The following RAB8B variants were observed in gnomAD, a reference collection of about 807,000 sequenced individuals.
RAB8B encodes RAB8B, member RAS oncogene family.
Under a neutral mutation model 32.0 loss-of-function variants are expected in RAB8B, and 11 were observed. That is an observed-to-expected ratio of 0.34 (90% CI 0.22 to 0.57). The LOEUF is 0.57. Ranked by LOEUF, RAB8B falls within the 20% of genes least tolerant of loss-of-function variation. The probability of loss-of-function intolerance (pLI) is 0.86; values close to 1 mark genes in which losing one functional copy is unlikely to be tolerated. For missense variants in RAB8B, 190 were observed against 258.5 expected, an observed-to-expected ratio of 0.73 and a Z score of 1.82; for synonymous variants, 103 against 89.6, an observed-to-expected ratio of 1.15 and a Z score of -0.85.
rs1420667973 is a variant in RAB8B, at chr15:63,267,215, C to T, written c.*3596C>T. ...TTAGACTAATAAAATTAATGGCTGT[C>T]ATGTTCACTCTGAAAAAAATCTAAA... On this transcript the variant is annotated 3_prime_UTR_variant, in exon 8 of 8. Coordinates refer to ENST00000321437, the MANE Select transcript of RAB8B (RefSeq NM_016530.3). 1 of 152,502 alleles carries T rather than the reference C, an allele frequency of 6.6e-6. No individual in the cohort carries two copies. Among genetic ancestry groups the T allele is most frequent in the Non-Finnish European group, 1.5e-5 (1 of 68,004 alleles). The allele number at this position is 152,502 out of a possible 1,614,324, so 9.4% of individuals were successfully genotyped here. A position where few individuals can be genotyped will look rare whatever the true frequency, so the allele number is the denominator to read the frequency against.
rs1256230317 is a variant in RAB8B, at chr15:63,264,407, C to CATT, written c.*794_*796dup. The CATT allele has an allele frequency of 4.6e-5, 7 of 152,176 alleles. No homozygotes were observed. The highest frequency in any genetic ancestry group is 3.3e-4 in the Admixed American group (5 of 15,276). 9.4% of individuals were successfully genotyped at this position (152,176 alleles called of 1,614,324 possible). A position where few individuals can be genotyped will look rare whatever the true frequency, so the allele number is the denominator to read the frequency against. ...TAATCACTCTTAAGTAATATTTGAA[C>CATT]ATTATTATCTGTTTCTATTTGTGAA... On this transcript the variant is annotated 3_prime_UTR_variant, in exon 8 of 8. Coordinates refer to ENST00000321437, the MANE Select transcript of RAB8B (RefSeq NM_016530.3).
rs553545892 is a variant in RAB8B, at chr15:63,223,565, C to CTA, written c.125-21188_125-21187dup. Among the ~76,000 whole-genome samples the CTA allele has an allele frequency of 1.0e-3, 157 of 152,172 alleles. 1 individual carries two copies. The highest frequency in any genetic ancestry group is 2.0e-3 in the Non-Finnish European group (135 of 68,012). The stretch of plus-strand genomic sequence containing the variant: ...TTGTAGCCTAGGAGCAATAAACAGG[C>CTA]TATACTACGTAGACTAGGTGTGTAG... On this transcript the variant is annotated intron_variant, in intron 1 of 7. Transcript: ENST00000321437.
At position 63,231,959 on chromosome 15, in the gene RAB8B, C is replaced by T. The variant is rs1482811319; in HGVS notation, c.125-12797C>T. On this transcript the variant is annotated intron_variant, in intron 1 of 7. Coordinates refer to ENST00000321437, the MANE Select transcript of RAB8B (RefSeq NM_016530.3). ...TGAAACACATTTCCTTTTCAAAGTG[C>T]AAGATTTGCAAAAGAGACTTGTCAT... Among the ~76,000 whole-genome samples, 5 of 152,184 alleles carry T rather than the reference C, an allele frequency of 3.3e-5. No individual in the cohort carries two copies. The East Asian group carries it at 9.6e-4, about 29-fold the overall frequency.
intron 3 of RAB8B, among the ~76,000 whole-genome samples, chr15:63,250,069 G>T (rs956198053): frequency 6.6e-6 from 1 of 152,188 alleles, no homozygotes; most frequent in African/African-American, 2.4e-5. Context: ...CCAGGAAGAG[G>T]AGCTTGCAGT....
chr15:63,233,834 A>G (rs1394903855), intron 1 of RAB8B, among the ~76,000 whole-genome samples: 2 of 152,148 alleles, frequency 1.3e-5, no homozygotes, highest in Admixed American at 6.6e-5. Context: ...GTAAAAGCAC[A>G]GTATTTAACT....
chr15:63,258,585 C>A (rs1249535648), intron 5 of RAB8B, among the ~76,000 whole-genome samples: 1 of 152,064 alleles, frequency 6.6e-6, no homozygotes, highest in African/African-American at 2.4e-5. Flanking sequence ...AAGAATGAAG[C>A]CAAAACCACA....
intron 1 of RAB8B, among the ~76,000 whole-genome samples, chr15:63,199,562 A>T (rs2037630754): frequency 6.6e-6 from 1 of 152,222 alleles, no homozygotes. Flanking sequence ...AAATTCCATT[A>T]TAATTAAGTT....
At chr15:63,235,346 G>A (rs1364197379) in intron 1 of RAB8B, among the ~76,000 whole-genome samples, 1 of 152,044 alleles carries the variant, frequency 6.6e-6, no homozygotes, top group East Asian at 1.9e-4. Flanking sequence ...CTAAGGTACC[G>A]CTCATCTCTA....
At chr15:63,257,809 C>T (rs1224881526) in intron 5 of RAB8B, among the ~76,000 whole-genome samples, 1 of 151,632 alleles carries the variant, frequency 6.6e-6, no homozygotes, top group East Asian at 2.0e-4. Flanking sequence ...ACCTGTCATC[C>T]CAGCACTTTG....
chr15:63,240,487 A>G (rs1415587770), intron 1 of RAB8B, among the ~76,000 whole-genome samples: 2 of 152,184 alleles, frequency 1.3e-5, no homozygotes, highest in East Asian at 3.8e-4. Flanking sequence ...TTTTAGTGAC[A>G]GTTCAGTCAT....
Position 63,248,513 on chromosome 15 carries a change from AAAAC to A in RAB8B, c.186-1120_186-1117del, listed in dbSNP as rs1312828146. On this transcript the variant is annotated intron_variant, in intron 2 of 7. Coordinates refer to ENST00000321437, the MANE Select transcript of RAB8B (RefSeq NM_016530.3). The surrounding 1 kb of genome is among the most constrained non-coding windows in gnomAD (Gnocchi z 4.4). ...GGTGACAGAGCGAGACTCCATCTCAAAAACAAACAAACAAATAAATAAATACATA... is the reference window on the plus strand; with the variant it reads ...GGTGACAGAGCGAGACTCCATCTCAAAAACAAACAAATAAATAAATACATA... Among the ~76,000 whole-genome samples, 1 of 152,148 alleles carries A rather than the reference AAAAC, an allele frequency of 6.6e-6. No homozygotes were observed. Among genetic ancestry groups the A allele is most frequent in the Non-Finnish European group, 1.5e-5 (1 of 68,032 alleles).
intron 1 of RAB8B, among the ~76,000 whole-genome samples, chr15:63,242,282 G>A (rs1376872731): frequency 6.6e-6 from 1 of 151,850 alleles, no homozygotes; most frequent in Non-Finnish European, 1.5e-5. Flanking sequence ...TTATGTCTAT[G>A]CATTGTATAA....
intron 1 of RAB8B, among the ~76,000 whole-genome samples, chr15:63,211,899 A>C (rs1247004185): frequency 6.6e-6 from 1 of 152,076 alleles, no homozygotes; most frequent in African/African-American, 2.4e-5. Flanking sequence ...TGGCGCAATC[A>C]TGGCTCACTG....
intron 1 of RAB8B, among the ~76,000 whole-genome samples, chr15:63,232,142 T>C (rs1004490567): frequency 2.6e-5 from 4 of 152,218 alleles, no homozygotes; most frequent in Non-Finnish European, 5.9e-5. Context: ...TTTTTGTCTT[T>C]CTTGACTTTT....
At chr15:63,229,890 G>A (rs1159286857) in intron 1 of RAB8B, among the ~76,000 whole-genome samples, 1 of 151,254 alleles carries the variant, frequency 6.6e-6, no homozygotes, top group East Asian at 1.9e-4. Flanking sequence ...ATTTTAAGGT[G>A]AATGGCTACA....
At chr15:63,215,148 C>CT (rs2037781948) in intron 1 of RAB8B, among the ~76,000 whole-genome samples, 1 of 152,220 alleles carries the variant, frequency 6.6e-6, no homozygotes, top group African/African-American at 2.4e-5. Flanking sequence ...TCCAAGGGCC[C>CT]TTTGTCCCTC....
At chr15:63,258,954 T>A (rs551508288) in intron 5 of RAB8B, among the ~76,000 whole-genome samples, 3 of 151,648 alleles carry the variant, frequency 2.0e-5, no homozygotes, top group African/African-American at 7.3e-5. Flanking sequence ...AAGGCTGGGG[T>A]TTTTCTTTTG....
rs553617210 is a variant in RAB8B at position 63,259,091 on chromosome 15, G to A, written c.415-536G>A. 2.4e-3 allele frequency among the ~76,000 whole-genome samples: 359 copies of A among 152,156 alleles called. 2 individuals are homozygous for A. Among genetic ancestry groups the A allele is most frequent in the African/African-American group, 8.4e-3 (349 of 41,540 alleles). On this transcript the variant is annotated intron_variant, in intron 5 of 7. Transcript: ENST00000321437. The surrounding 1 kb of genome is among the most constrained non-coding windows in gnomAD (Gnocchi z 4.4). ...CTAAAAGTACAAAAACAGAAAAAAA[G>A]AGAAGTACTTAAATTATTATTATTA... is the stretch of plus-strand genomic sequence containing the variant.
intron 1 of RAB8B, among the ~76,000 whole-genome samples, chr15:63,197,128 TTGGGTTGAATAAGGCCAAA>T (rs2037607018): frequency 6.6e-6 from 1 of 152,048 alleles, no homozygotes; most frequent in Non-Finnish European, 1.5e-5. Context: ...GACTGAGCGT[TTGGGTTGAATAAGGCCAAA>T]TTCTATTTAA....
Sources: allele counts gnomAD v4.1 joint callset (sites outside exome capture counted in the v4.1 genomes callset), GRCh38; gene constraint gnomAD v4.1.1; non-coding constraint Gnocchi (gnomAD v3.1); transcripts MANE v1.5; gene names NCBI Gene and HGNC (gene_info 2026-07-23, HGNC 2026-07-21).